The following OBSL1 variants were observed in gnomAD, a reference collection of about 807,000 sequenced individuals.
OBSL1 encodes obscurin like cytoskeletal adaptor 1, also known as obscurin-like protein 1.
In OBSL1, 160 loss-of-function variants were observed where a neutral mutation model predicts 172.0. The ratio of observed to expected loss-of-function variants is 0.93; its 90% CI spans 0.82 to 1.06. The LOEUF is 1.06. Among genes scored for constraint, OBSL1 ranks in the 50% least tolerant of loss-of-function variants. The pLI is 0.00. For synonymous variants in OBSL1, 1,200 were observed against 1,196.3 expected, an observed-to-expected ratio of 1.00 and a Z score of -0.06; for missense variants, 2,681 against 2,715.4, an observed-to-expected ratio of 0.99 and a Z score of 0.28.
Position 219,558,102 on chromosome 2 carries a change from C to T in OBSL1, c.3511G>A (p.Val1171Met). The change falls in exon 11 of 21, where the codon GTG becomes ATG. Residue 1171 changes from valine to methionine, a missense_variant. Transcript: ENST00000404537. ...TFNVILAEPP[V>M]QFLALETTPS... ...GTTGTCTCTAGAGCAAGGAACTGCA[C>T]TGGAGGCTCTGGAGAAGAGAGGAAG... 6.2e-7 allele frequency: 1 copy of T among 1,613,412 alleles called. No homozygotes were observed. The highest frequency in any genetic ancestry group is 8.5e-7 in the Non-Finnish European group (1 of 1,179,708).
intron 5 of OBSL1, 120 bp from the exon 6 acceptor site, chr2:219,565,634 A>C: frequency 1.1e-6 from 1 of 922,888 alleles, no homozygotes; most frequent in Non-Finnish European, 1.6e-6. Context: ...AGGCTTCCAC[A>C]CCAACCCTTA....
At chr2:219,556,835 G>A in intron 12 of OBSL1, 112 bp from the exon 13 acceptor site, 2 of 1,193,766 alleles carry the variant, frequency 1.7e-6, no homozygotes, top group Non-Finnish European at 2.3e-6. Context: ...GACCTTCTGT[G>A]AGGACCTACT....
At chr2:219,548,412 T>A (rs7597875), downstream of OBSL1, among the ~76,000 whole-genome samples, 2 of 152,006 alleles carry the variant, frequency 1.3e-5, no homozygotes, top group Non-Finnish European at 2.9e-5. Flanking sequence ...TAGAGTGATA[T>A]GACAGAGACA....
rs149009269 is a variant in OBSL1 at position 219,567,511 on chromosome 2, C to G, written c.1599G>C (p.Thr533=). 16 of 1,613,540 alleles carry G rather than the reference C, an allele frequency of 9.9e-6. No individual in the cohort carries two copies. The highest frequency in any genetic ancestry group is 1.3e-5 in the Non-Finnish European group (15 of 1,179,716). The change falls in exon 4 of 21, where the codon ACG becomes ACC. Residue 533 remains threonine (T), a synonymous_variant. Transcript: ENST00000404537. Reference sequence around the variant, plus strand: ...CGGGAGGCTTCCAGGTCAACAGGACCGTGTTCTTGTGGCCCTTGAACATCT... The same window carrying G: ...CGGGAGGCTTCCAGGTCAACAGGACGGTGTTCTTGTGGCCCTTGAACATCT... ...LAEMFKGHKN[T]VLLTWKPPEP...
intron 18 of OBSL1, 30 bp downstream of exon 18, chr2:219,552,506 G>C (rs60549465): frequency 6.3e-7 from 1 of 1,575,784 alleles, no homozygotes; most frequent in East Asian, 2.3e-5. Context: ...GGGCAGCGAG[G>C]GGCCCGAAAG....
Position 219,566,948 on chromosome 2 carries a change from T to C in OBSL1, c.2016A>G (p.Ile672Met), listed in dbSNP as rs996822719. Residue 672 changes from isoleucine (I) to methionine (M), a missense_variant, in exon 5 of 21, where the codon ATA (isoleucine) becomes ATG (methionine). By Grantham distance (10) the Ile-to-Met change is conservative (BLOSUM62 1). Transcript: ENST00000404537. ...GTCTGTGCTGCAGACCCTTCTGCTC[T>C]ATACGGTACCGCAGGGCCCCAGGTT... The part of the protein sequence containing the change: ...QVEPGALRYR[I>M]EQKGLQHRLI... 2 of 1,613,752 alleles carry C rather than the reference T, an allele frequency of 1.2e-6. No individual in the cohort carries two copies. Among genetic ancestry groups the C allele is most frequent in the African/African-American group, 1.3e-5 (1 of 74,932 alleles).
chr2:219,553,586 A>G lies in OBSL1; in HGVS notation c.4977T>C (p.Val1659=). 3 of 1,613,504 alleles carry G rather than the reference A, an allele frequency of 1.9e-6. No individual in the cohort carries two copies. The highest frequency in any genetic ancestry group is 2.5e-6 in the Non-Finnish European group (3 of 1,179,636). The change falls in exon 16 of 21, where the codon GTT becomes GTC. Residue 1659 remains valine (V), a synonymous_variant. Transcript: ENST00000404537. ...GCTGGGATCTGACCTTCTCCCAGGT[A>G]ACATCAGCCAAAGCTTGGGAAAGCT... The part of the protein sequence containing the change: ...ECELSQALAD[V]TWEKDGNALT...
rs1696189759 is a variant in OBSL1 at position 219,558,304 on chromosome 2, G to A, written c.3382C>T (p.Gln1128Ter). 1.9e-6 allele frequency: 3 copies of A among 1,612,270 alleles called. No individual in the cohort carries two copies. The highest frequency in any genetic ancestry group is 2.2e-5 in the South Asian group (2 of 90,752). ...CGGGTGGGCCCCTCGGCACCCAGCT[G>A]CAGGGCATCTGATGCCTCCACTTCC... ...GLEVEASDAL[Q>*]LGAEGPTRTL... Residue 1128 changes from glutamine to a stop codon, truncating the protein, a stop_gained, in exon 10 of 21, where the codon CAG becomes TAG. Transcript: ENST00000404537. LOFTEE classifies it high-confidence loss of function.
chr2:219,562,643 G>A lies in OBSL1; in HGVS notation c.2712C>T (p.Gly904=). 2 of 1,570,256 alleles carry A rather than the reference G, an allele frequency of 1.3e-6. No homozygotes were observed. Among genetic ancestry groups the A allele is most frequent in the Non-Finnish European group, 1.7e-6 (2 of 1,158,534 alleles). Residue 904 remains glycine (G), a synonymous_variant, in exon 8 of 21, where the codon GGC becomes GGT. Transcript: ENST00000404537. ...DVSSWIVYPS[G]KVYVAAVRLE... Reference sequence around the variant, plus strand: ...GGCGCACGGCTGCCACATACACCTTGCCGCTGGGATACACGATCCACGAGG... The same window carrying A: ...GGCGCACGGCTGCCACATACACCTTACCGCTGGGATACACGATCCACGAGG...
chr2:219,569,308 T>A (rs1352789243), intron 1 of OBSL1: 1 of 152,174 alleles, frequency 6.6e-6, no homozygotes, highest in East Asian at 1.9e-4. Flanking sequence ...GGGGGCAACA[T>A]GCTTGACTGC....
At position 219,571,273 on chromosome 2, in the gene OBSL1, C is replaced by CGGGGGGGGGGGGGGGGGGGGGG; in HGVS notation, c.-42_-41insCCCCCCCCCCCCCCCCCCCCCC. The CGGGGGGGGGGGGGGGGGGGGGG allele has an allele frequency of 1.2e-6, 1 of 861,604 alleles. No individual in the cohort carries two copies. The highest frequency in any genetic ancestry group is 1.5e-6 in the Non-Finnish European group (1 of 657,188). 53.4% of individuals were successfully genotyped at this position (861,604 alleles called of 1,614,324 possible). A position where few individuals can be genotyped will look rare whatever the true frequency, so the allele number is the denominator to read the frequency against. On this transcript the variant is annotated 5_prime_UTR_variant, in exon 1 of 21. Transcript: ENST00000404537. The stretch of plus-strand genomic sequence containing the variant: ...CCTGCAGCGGCGAACGGTGGGGGGG[C>CGGGGGGGGGGGGGGGGGGGGGG]AGGGGGGGGTGCGGAGGGCGAGCCG...
At chr2:219,570,175 C>G (rs1485477470) in intron 1 of OBSL1, 46 bp downstream of exon 1, 6 of 1,458,482 alleles carry the variant, frequency 4.1e-6, no homozygotes, top group South Asian at 1.4e-5. Context: ...CGGAGGGCCT[C>G]GGAGGACACT....
Position 219,570,962 on chromosome 2 carries a change from C to G in OBSL1, c.271G>C (p.Gly91Arg). Residue 91 changes from glycine to arginine, a missense_variant, in exon 1 of 21, where the codon GGC (glycine) becomes CGC (arginine). Gly to Arg is a moderately radical substitution (Grantham distance 125, BLOSUM62 -2). Transcript: ENST00000404537. ...ACGGCGGCCGCCGCGTAGGCCTCGC[C>G]GGCCGCGTTGCGGGCGCGGCACACG... Reference protein sequence around the residue: ...VYVCRARNAAGEAYAAAAVTV... With the variant: ...VYVCRARNAAREAYAAAAVTV... 2 of 1,283,128 alleles carry G rather than the reference C, an allele frequency of 1.6e-6. No individual in the cohort carries two copies. Among genetic ancestry groups the G allele is most frequent in the East Asian group, 3.1e-5 (1 of 31,798 alleles). The allele number at this position is 1,283,128 out of a possible 1,614,324, so 79.5% of individuals were successfully genotyped here.
rs774043639 is a variant in OBSL1, at chr2:219,553,636, C to G, written c.4927G>C (p.Gly1643Arg). Residue 1643 changes from glycine (G) to arginine (R), a missense_variant, in exon 16 of 21, where the codon GGC becomes CGC. By Grantham distance (125) the Gly-to-Arg change is moderately radical (BLOSUM62 -2). This residue lies in a region of OBSL1 where 1,765 missense variants were observed against 1,748.3 expected (regional missense o/e 1.01). Transcript: ENST00000404537. ...RGPHDLEVTE[G>R]DTATFECELS... ...TCGCACTCGAACGTAGCTGTGTCGC[C>G]CTCGGTCACCTCTAGGTCGTGTGGC... 2 of 1,613,894 alleles carry G rather than the reference C, an allele frequency of 1.2e-6. No homozygotes were observed. Among genetic ancestry groups the G allele is most frequent in the South Asian group, 2.2e-5 (2 of 91,062 alleles).
Position 219,567,510 on chromosome 2 carries a change from C to T in OBSL1, c.1600G>A (p.Val534Ile). ...TCGGGAGGCTTCCAGGTCAACAGGA[C>T]CGTGTTCTTGTGGCCCTTGAACATC... is the stretch of plus-strand genomic sequence containing the variant. ...AEMFKGHKNT[V>I]LLTWKPPEPA... The change falls in exon 4 of 21, where the codon GTC (valine) becomes ATC (isoleucine). Residue 534 changes from valine (V) to isoleucine (I), a missense_variant. Physicochemically the swap from Val to Ile is conservative, Grantham distance 29. Coordinates refer to ENST00000404537, the MANE Select transcript of OBSL1 (RefSeq NM_015311.3). 6.2e-7 allele frequency: 1 copy of T among 1,613,574 alleles called. No homozygotes were observed. The highest frequency in any genetic ancestry group is 8.5e-7 in the Non-Finnish European group (1 of 1,179,742).
At position 219,552,601 on chromosome 2, in the gene OBSL1, G is replaced by T; in HGVS notation, c.5243C>A (p.Thr1748Lys). The change falls in exon 18 of 21, where the codon ACG becomes AAG. Residue 1748 changes from threonine (T) to lysine (K), a missense_variant. By Grantham distance (78) the Thr-to-Lys change is moderately conservative. This residue lies in a region of OBSL1 where 1,765 missense variants were observed against 1,748.3 expected (regional missense o/e 1.01). Transcript: ENST00000404537. ...FECTVSEVET[T>K]GRWELGGRPL... Reference sequence around the variant, plus strand: ...GCGGCCTCCGAGCTCCCAGCGCCCCGTGGTCTCGACCTCCGACACGGTGCA... The same window carrying T: ...GCGGCCTCCGAGCTCCCAGCGCCCCTTGGTCTCGACCTCCGACACGGTGCA... 6.3e-7 allele frequency: 1 copy of T among 1,581,350 alleles called. No homozygotes were observed. The highest frequency in any genetic ancestry group is 1.3e-5 in the African/African-American group (1 of 74,680).
At chr2:219,557,050 A>G in intron 12 of OBSL1, 1 of 481,686 alleles carries the variant, frequency 2.1e-6, no homozygotes, top group Non-Finnish European at 3.6e-6. Flanking sequence ...GCCGGGGCTC[A>G]GACAGGTTGA....
chr2:219,559,838 T>C (rs1052747508), intron 8 of OBSL1, among the ~76,000 whole-genome samples: 1 of 152,084 alleles, frequency 6.6e-6, no homozygotes, highest in African/African-American at 2.4e-5. Flanking sequence ...AGATACAGAA[T>C]CTTACAGATA....
At chr2:219,557,785 G>A in intron 11 of OBSL1, 38 bp downstream of exon 11, 1 of 1,567,418 alleles carries the variant, frequency 6.4e-7, no homozygotes, top group Non-Finnish European at 8.6e-7. Context: ...TCTCAGGCTT[G>A]GTGCCACTCT....
Sources: gnomAD v4.1 joint callset for allele counts (sites outside exome capture counted in the v4.1 genomes callset) on GRCh38, gnomAD v4.1.1 for gene constraint, gnomAD v4.1.1 regional missense constraint, MANE v1.5 for transcripts, NCBI Gene and HGNC (gene_info 2026-07-23, HGNC 2026-07-21) for gene names.